SPAG16: variants seen among roughly 807,000 people sequenced by gnomAD.
SPAG16 encodes the protein sperm associated antigen 16.
Under a neutral mutation model 80.4 loss-of-function variants are expected in SPAG16, and 86 were observed. That is an observed-to-expected ratio of 1.07 (90% CI 0.90 to 1.28). The LOEUF (loss-of-function observed/expected upper bound fraction) is 1.28. Among genes scored for constraint, SPAG16 ranks in the 50% most tolerant of loss-of-function variants. The probability of loss-of-function intolerance (pLI) is 0.00; values close to 1 mark genes in which losing one functional copy is unlikely to be tolerated. For synonymous variants in SPAG16, 294 were observed against 265.9 expected (o/e 1.11, Z -1.03); for missense variants, 870 against 765.3 (o/e 1.14, Z -1.61).
intron 8 of SPAG16, among the ~76,000 whole-genome samples, chr2:213,367,657 G>A (rs552022051): frequency 6.6e-6 from 1 of 151,708 alleles, no homozygotes; most frequent in Admixed American, 6.6e-5. Flanking sequence ...TTGTAAATTG[G>A]TTTGAGTTCT....
intron 10 of SPAG16, among the ~76,000 whole-genome samples, chr2:213,592,992 C>T (rs2060757187): frequency 6.6e-6 from 1 of 152,022 alleles, no homozygotes; most frequent in African/African-American, 2.4e-5. Context: ...CCACCCCCAC[C>T]CCACCAACAC....
intron 8 of SPAG16, 38 bp from the exon 9 acceptor site, chr2:213,374,972 C>A: frequency 7.0e-7 from 1 of 1,424,064 alleles, no homozygotes; most frequent in Non-Finnish European, 9.6e-7. Flanking sequence ...TACCGATAAA[C>A]AGTGCAAATA....
intron 15 of SPAG16, among the ~76,000 whole-genome samples, chr2:214,377,579 T>C (rs1283930885): frequency 6.6e-6 from 1 of 152,218 alleles, no homozygotes; most frequent in African/African-American, 2.4e-5. Flanking sequence ...ACATATAACA[T>C]ACAAAATATG....
intron 11 of SPAG16, among the ~76,000 whole-genome samples, chr2:213,879,884 T>C (rs1323792968): frequency 6.6e-6 from 1 of 152,150 alleles, no homozygotes; most frequent in Non-Finnish European, 1.5e-5. Context: ...CAATCCACCG[T>C]TGGTGGGCAT....
intron 13 of SPAG16, among the ~76,000 whole-genome samples, chr2:214,067,218 A>G (rs1277166151): frequency 6.6e-6 from 1 of 152,202 alleles, no homozygotes; most frequent in African/African-American, 2.4e-5. Flanking sequence ...ATTGTTCCAG[A>G]GCCAGTAGCA....
At chr2:213,889,783 A>G (rs2076717243) in intron 11 of SPAG16, among the ~76,000 whole-genome samples, 1 of 151,154 alleles carries the variant, frequency 6.6e-6, no homozygotes, top group East Asian at 1.9e-4. Context: ...ACTCTACCAC[A>G]TCTGACAAGT....
intron 10 of SPAG16, among the ~76,000 whole-genome samples, chr2:213,590,849 CAT>C (rs749128785): frequency 3.8e-4 from 58 of 152,268 alleles, no homozygotes; most frequent in Middle Eastern, 3.4e-3. Context: ...CACCTACACT[CAT>C]ATGTTTATCA....
At chr2:213,855,760 T>A (rs1187279312) in intron 10 of SPAG16, among the ~76,000 whole-genome samples, 1 of 152,088 alleles carries the variant, frequency 6.6e-6, no homozygotes, top group African/African-American at 2.4e-5. Context: ...TCATAAGAAC[T>A]CACTTACTGT....
At chr2:213,308,632 A>G (rs986723901) in intron 3 of SPAG16, among the ~76,000 whole-genome samples, 2 of 152,130 alleles carry the variant, frequency 1.3e-5, no homozygotes, top group Admixed American at 1.3e-4. Context: ...AACATTTTCC[A>G]TACAAGGTCA....
chr2:213,918,675 T>C (rs2078077193), intron 11 of SPAG16, among the ~76,000 whole-genome samples: 2 of 152,174 alleles, frequency 1.3e-5, no homozygotes, highest in Non-Finnish European at 2.9e-5. Context: ...CTGTGAGGCC[T>C]CCCCAGCCAT....
intron 10 of SPAG16, among the ~76,000 whole-genome samples, chr2:213,720,287 T>C (rs2066455477): frequency 6.6e-6 from 1 of 151,926 alleles, no homozygotes; most frequent in African/African-American, 2.4e-5. Flanking sequence ...TATACCTATG[T>C]AATAAACCTG....
At chr2:213,333,473 G>A (rs1035662230) in intron 5 of SPAG16, among the ~76,000 whole-genome samples, 14 of 152,176 alleles carry the variant, frequency 9.2e-5, no homozygotes, top group African/African-American at 3.4e-4. Flanking sequence ...AAATACCCAT[G>A]AGATTCTTCA....
intron 14 of SPAG16, among the ~76,000 whole-genome samples, chr2:214,144,194 A>T (rs2055513532): frequency 6.6e-6 from 1 of 152,198 alleles, no homozygotes; most frequent in Non-Finnish European, 1.5e-5. Context: ...TTAAAAGCTC[A>T]TGAAATAAAT....
chr2:213,913,339 A>T (rs1212270757), intron 11 of SPAG16, among the ~76,000 whole-genome samples: 1 of 152,132 alleles, frequency 6.6e-6, no homozygotes, highest in East Asian at 1.9e-4. Context: ...CAATGCTCCA[A>T]GGAGCATTCT....
chr2:214,287,222 G>A (rs1693432590), intron 15 of SPAG16, among the ~76,000 whole-genome samples: 1 of 152,122 alleles, frequency 6.6e-6, no homozygotes, highest in Non-Finnish European at 1.5e-5. Flanking sequence ...AATGATTGCT[G>A]AACTCTATCT....
chr2:214,390,408 A>C (rs888137985), intron 15 of SPAG16, among the ~76,000 whole-genome samples: 5 of 151,282 alleles, frequency 3.3e-5, no homozygotes, highest in African/African-American at 1.2e-4. Context: ...TAATGATTTC[A>C]AATTCTCTCA....
chr2:213,636,177 A>AT (rs2125097650), intron 10 of SPAG16, among the ~76,000 whole-genome samples: 1 of 152,118 alleles, frequency 6.6e-6, no homozygotes, highest in East Asian at 1.9e-4. Context: ...TGGCTTGCCA[A>AT]TTTTCCCAGT....
intron 10 of SPAG16, among the ~76,000 whole-genome samples, chr2:213,801,515 G>T (rs1019141652): frequency 6.6e-6 from 1 of 152,192 alleles, no homozygotes; most frequent in African/African-American, 2.4e-5. Flanking sequence ...GTCTTTTCAG[G>T]ATTACACAAT....
intron 12 of SPAG16, among the ~76,000 whole-genome samples, chr2:213,982,342 A>G (rs2045791023): frequency 6.6e-6 from 1 of 151,986 alleles, no homozygotes; most frequent in Admixed American, 6.6e-5. Context: ...CAACTCTGAG[A>G]GGTCAACTGT....
Sources: allele counts gnomAD v4.1 joint callset (sites outside exome capture counted in the v4.1 genomes callset), GRCh38; gene constraint gnomAD v4.1.1; transcripts MANE v1.5; gene names NCBI Gene and HGNC (gene_info 2026-07-23, HGNC 2026-07-21).